The following OCA2 variants were observed in gnomAD, a reference collection of about 807,000 sequenced individuals.
The protein encoded by OCA2 is P protein.
A neutral mutation model predicts 100.2 loss-of-function variants in OCA2; 77 were observed. The observed-to-expected ratio is 0.77, with a 90% confidence interval of 0.64 to 0.93. OCA2 has a LOEUF of 0.93. OCA2 is among the 40% of genes least tolerant of loss of function. The probability of loss-of-function intolerance (pLI) is 0.00; values close to 1 mark genes in which losing one functional copy is unlikely to be tolerated. For synonymous variants in OCA2, 432 were observed against 439.2 expected, an observed-to-expected ratio of 0.98 and a Z score of 0.21; for missense variants, 1,062 against 1,089.1, an observed-to-expected ratio of 0.98 and a Z score of 0.35.
chr15:27,926,409 G>T (rs942118512), intron 18 of OCA2, among the ~76,000 whole-genome samples, 155 bp from the exon 19 acceptor site: 1 of 151,986 alleles, frequency 6.6e-6, no homozygotes, highest in Non-Finnish European at 1.5e-5. Flanking sequence ...TTGGTTATGT[G>T]TATACTCATG....
Position 27,957,579 on chromosome 15 carries a change from G to A in OCA2, c.1784+9C>T, listed in dbSNP as rs1301086572. On this transcript the variant is annotated intron_variant, in intron 16 of 23. Coordinates refer to ENST00000354638, the MANE Select transcript of OCA2 (RefSeq NM_000275.3). The surrounding 1 kb of genome is among the most constrained non-coding windows in gnomAD (Gnocchi z 4.3). ...CCAAGCACAGTCTGAGCAGGACCCC[G>A]CCCGGTACCTGTGGAAGGTGTGCAG... 13 of 1,611,982 alleles carry A rather than the reference G, an allele frequency of 8.1e-6. No homozygotes were observed. The East Asian group carries it at 8.9e-5, about 11-fold the overall frequency.
intron 19 of OCA2, among the ~76,000 whole-genome samples, chr15:27,903,439 A>G (rs1032646622): frequency 5.9e-5 from 9 of 152,128 alleles, no homozygotes; most frequent in Middle Eastern, 3.2e-3. Flanking sequence ...GACTGAAGGA[A>G]CTTCCAACTC....
intron 3 of OCA2, among the ~76,000 whole-genome samples, chr15:28,029,039 C>A (rs549677115): frequency 1.6e-3 from 250 of 152,154 alleles, no homozygotes; most frequent in Middle Eastern, 3.4e-3. Context: ...AGTTTAGATG[C>A]ACTTGACTCT....
In OCA2 at chr15:28,022,503, T is replaced by C; in HGVS notation, c.644A>G (p.Tyr215Cys). ...QLLALSPLEN[Y>C]SVNLSSHVDS... ...ATCTCAGAGTGGATTTTGGATACAG[T>C]AGTTCTCCAGCGGTGATAAGGCCAA... The change falls in exon 6 of 24, where the codon TAC becomes TGC. Residue 215 changes from tyrosine (Y) to cysteine (C), a missense_variant and splice_region_variant. By Grantham distance (194) the Tyr-to-Cys change is radical (BLOSUM62 -2). Transcript: ENST00000354638. The C allele has an allele frequency of 3.1e-6, 5 of 1,611,536 alleles. No homozygotes were observed. The highest frequency in any genetic ancestry group is 4.5e-5 in the East Asian group (2 of 44,860).
intron 18 of OCA2, among the ~76,000 whole-genome samples, chr15:27,927,545 T>C (rs537938452): frequency 1.4e-4 from 22 of 152,332 alleles, no homozygotes; most frequent in African/African-American, 4.8e-4. Flanking sequence ...GGATATATGA[T>C]AGCTTAATAC....
At chr15:27,889,896 A>G (rs2037384680) in intron 19 of OCA2, among the ~76,000 whole-genome samples, 1 of 152,180 alleles carries the variant, frequency 6.6e-6, no homozygotes, top group Non-Finnish European at 1.5e-5. Context: ...TTGGAAAGAT[A>G]CCCAGATCTC....
intron 23 of OCA2, among the ~76,000 whole-genome samples, chr15:27,834,522 G>A (rs1259694224): frequency 6.6e-6 from 1 of 152,220 alleles, no homozygotes; most frequent in Non-Finnish European, 1.5e-5. Context: ...ACCCTGATTT[G>A]TAGCCAAGTT....
intron 23 of OCA2, among the ~76,000 whole-genome samples, chr15:27,799,410 G>A (rs550280830): frequency 3.9e-5 from 6 of 152,218 alleles, no homozygotes; most frequent in Non-Finnish European, 8.8e-5. Flanking sequence ...AGGAGTGCAA[G>A]AGTCCTACTA....
chr15:28,030,697 G>A (rs910688615), intron 3 of OCA2, among the ~76,000 whole-genome samples: 8 of 152,222 alleles, frequency 5.3e-5, no homozygotes, highest in African/African-American at 1.9e-4. Flanking sequence ...GAAGCTCAGA[G>A]GTGAGTGAAG....
chr15:27,941,606 C>T (rs1373938825), intron 18 of OCA2, among the ~76,000 whole-genome samples: 2 of 152,174 alleles, frequency 1.3e-5, no homozygotes, highest in East Asian at 1.9e-4. Flanking sequence ...GATGAATCCC[C>T]GCATGTGGAG....
chr15:27,850,263 C>T (rs1033133681), intron 22 of OCA2, among the ~76,000 whole-genome samples: 3 of 152,124 alleles, frequency 2.0e-5, no homozygotes, highest in Non-Finnish European at 1.5e-5. Flanking sequence ...GGCACACCAC[C>T]GTTACAGGAC....
chr15:28,089,504 A>G (rs186468909), intron 1 of OCA2, among the ~76,000 whole-genome samples: 9 of 152,312 alleles, frequency 5.9e-5, no homozygotes, highest in African/African-American at 9.6e-5. Context: ...ATGTTCTTCT[A>G]CCATGGCTTC....
intron 19 of OCA2, among the ~76,000 whole-genome samples, chr15:27,881,903 C>G (rs1421865918): frequency 1.3e-5 from 2 of 152,170 alleles, no homozygotes; most frequent in Non-Finnish European, 2.9e-5. Flanking sequence ...TATTTATTGT[C>G]TTCTGCTAGC....
intron 9 of OCA2, among the ~76,000 whole-genome samples, chr15:27,997,901 G>A (rs1351029442): frequency 7.6e-6 from 1 of 131,710 alleles, no homozygotes; most frequent in Admixed American, 7.8e-5. Flanking sequence ...CACGTCCCTT[G>A]TAAGTTGGAT....
chr15:28,094,874 C>G (rs10162944), intron 1 of OCA2, among the ~76,000 whole-genome samples: 8,522 of 152,318 alleles, frequency 0.056, 774 homozygotes, highest in African/African-American at 0.19. Context: ...CGGAGTGGGG[C>G]GACGGCACCG....
chr15:27,968,911 C>T (rs1362601375), intron 14 of OCA2, among the ~76,000 whole-genome samples: 1 of 151,404 alleles, frequency 6.6e-6, no homozygotes, highest in Non-Finnish European at 1.5e-5. Context: ...TAATTCATAC[C>T]CCAGATATCT....
At chr15:28,074,144 G>A (rs1453866361) in intron 2 of OCA2, among the ~76,000 whole-genome samples, 1 of 152,154 alleles carries the variant, frequency 6.6e-6, no homozygotes, top group East Asian at 1.9e-4. Context: ...AAAGAACCAC[G>A]TTAGAGGGCT....
Position 28,018,347 on chromosome 15 carries a change from G to A in OCA2, c.807+50C>T, listed in dbSNP as rs762747087. Reference sequence around the variant, plus strand: ...TTCAAGAGGAAACACAATTTATTATGAGATGAAATGAGATTTCACAATTCC... The same window carrying A: ...TTCAAGAGGAAACACAATTTATTATAAGATGAAATGAGATTTCACAATTCC... On this transcript the variant is annotated intron_variant, in intron 7 of 23. Coordinates refer to ENST00000354638, the MANE Select transcript of OCA2 (RefSeq NM_000275.3). 153 of 1,568,824 alleles carry A rather than the reference G, an allele frequency of 9.8e-5. 1 individual carries two copies. The highest frequency in any genetic ancestry group is 2.0e-5 in the Non-Finnish European group (23 of 1,140,792).
chr15:27,960,528 T>C (rs1184590528), intron 15 of OCA2, among the ~76,000 whole-genome samples: 2 of 152,206 alleles, frequency 1.3e-5, no homozygotes, highest in Non-Finnish European at 2.9e-5. Context: ...TGTTCCTTAG[T>C]AACCTTTAAC....
Sources: allele counts gnomAD v4.1 joint callset (sites outside exome capture counted in the v4.1 genomes callset), GRCh38; gene constraint gnomAD v4.1.1; non-coding constraint Gnocchi (gnomAD v3.1); transcripts MANE v1.5; gene names NCBI Gene and HGNC (gene_info 2026-07-23, HGNC 2026-07-21).